Variants in ERVMER34-1 observed in about 807,000 individuals in gnomAD.
ERVMER34-1 encodes the protein endogenous retroviral envelope protein HEMO.
For synonymous variants in ERVMER34-1, 199 were observed against 111.7 expected, an observed-to-expected ratio of 1.78 and a Z score of -4.93; for missense variants, 471 against 295.1, an observed-to-expected ratio of 1.60 and a Z score of -4.37.
rs114652979 is a variant in ERVMER34-1 at position 52,744,925 on chromosome 4, G to A, written c.596C>T (p.Ala199Val). 497 of 704,150 alleles carry A rather than the reference G, an allele frequency of 7.1e-4. No individual in the cohort carries two copies. The African/African-American group carries it at 7.8e-3, about 11-fold the overall frequency. 43.6% of individuals were successfully genotyped at this position (704,150 alleles called of 1,614,324 possible). Residue 199 changes from alanine to valine, a missense_variant, in exon 3 of 3, where the codon GCT becomes GTT. By Grantham distance (64) the Ala-to-Val change is moderately conservative (BLOSUM62 0). Coordinates refer to ENST00000443173, the MANE Select transcript of ERVMER34-1 (RefSeq NM_001242690.2). ...GCTNRTWNSS[A>V]VPLIGLPNTQ... Reference sequence around the variant, plus strand: ...ATTGGGCAGACCAATCAAGGGAACAGCTGAGCTGTTCCAGGTCCGGTTTGT... The same window carrying A: ...ATTGGGCAGACCAATCAAGGGAACAACTGAGCTGTTCCAGGTCCGGTTTGT...
rs1165666453 is a variant in ERVMER34-1 at position 52,745,463 on chromosome 4, T to C, written c.58A>G (p.Ile20Val). Residue 20 changes from isoleucine to valine, a missense_variant, in exon 3 of 3, where the codon ATT becomes GTT. Physicochemically the swap from Ile to Val is conservative, Grantham distance 29. Coordinates refer to ENST00000443173, the MANE Select transcript of ERVMER34-1 (RefSeq NM_001242690.2). Reference protein sequence around the residue: ...LQLTLTAFLTILVQPQHLLAP... With the variant: ...LQLTLTAFLTVLVQPQHLLAP... ...AGCAGGTGCTGAGGTTGTACTAGAA[T>C]TGTCAAAAAAGCAGTAAGGGTTAGT... The C allele has an allele frequency of 2.8e-6, 2 of 704,030 alleles. No individual in the cohort carries two copies. The highest frequency in any genetic ancestry group is 2.0e-5 in the Admixed American group (1 of 50,000). 43.6% of individuals were successfully genotyped at this position (704,030 alleles called of 1,614,324 possible). A position where few individuals can be genotyped will look rare whatever the true frequency, so the allele number is the denominator to read the frequency against.
rs149393396 is a variant in ERVMER34-1 at position 52,745,446 on chromosome 4, C to T, written c.75G>A (p.Gln25=). The T allele has an allele frequency of 1.4e-6, 1 of 704,064 alleles. No homozygotes were observed. Among genetic ancestry groups the T allele is most frequent in the East Asian group, 2.7e-5 (1 of 37,288 alleles). The allele number at this position is 704,064 out of a possible 1,614,324, so 43.6% of individuals were successfully genotyped here. The part of the protein sequence containing the change: ...TAFLTILVQP[Q]HLLAPVFRTL... ...TCCGGAAAACTGGAGCAAGCAGGTG[C>T]TGAGGTTGTACTAGAATTGTCAAAA... The change falls in exon 3 of 3, where the codon CAG becomes CAA. Residue 25 remains glutamine, a synonymous_variant. Transcript: ENST00000443173.
At chr4:52,751,121 T>A (rs2109418259) in intron 1 of ERVMER34-1, 52 bp from the exon 2 acceptor site, 1 of 152,248 alleles carries the variant, frequency 6.6e-6, no homozygotes, top group Admixed American at 6.5e-5. Flanking sequence ...GCCCCGGGAT[T>A]CTCCCAGCGG....
At chr4:52,746,322 A>G (rs955222975) in intron 2 of ERVMER34-1, among the ~76,000 whole-genome samples, 1 of 152,168 alleles carries the variant, frequency 6.6e-6, no homozygotes, top group Non-Finnish European at 1.5e-5. Context: ...ACCGGTCAGT[A>G]TTCCAGATCT....
At position 52,744,269 on chromosome 4, in the gene ERVMER34-1, AG is replaced by A; in HGVS notation, c.1251del (p.Ser418LeufsTer31). On this transcript the variant is annotated frameshift_variant, in exon 3 of 3. Transcript: ENST00000443173. LOFTEE classifies it low-confidence loss of function (END_TRUNC). ...AAGACATGATCCTTTCGGGATGCAG[AG>A]GCTAAACTGCTAACTTTTGATTGGT... ...EAHQSKVSSL[A>X]SASRKDHVLD... The A allele has an allele frequency of 1.4e-6, 1 of 704,186 alleles. No individual in the cohort carries two copies. The highest frequency in any genetic ancestry group is 2.7e-5 in the East Asian group (1 of 37,288). The allele number at this position is 704,186 out of a possible 1,614,324, so 43.6% of individuals were successfully genotyped here. A position where few individuals can be genotyped will look rare whatever the true frequency, so the allele number is the denominator to read the frequency against.
intron 2 of ERVMER34-1, among the ~76,000 whole-genome samples, chr4:52,749,700 G>GA (rs1716238614): frequency 6.6e-6 from 1 of 152,100 alleles, no homozygotes; most frequent in South Asian, 2.1e-4. Context: ...CTACTCGGGG[G>GA]ATCACTTGAA....
Position 52,743,905 on chromosome 4 carries a change from C to A in ERVMER34-1, c.1616G>T (p.Ser539Ile), listed in dbSNP as rs1343792814. The A allele has an allele frequency of 2.8e-6, 4 of 1,436,820 alleles. No homozygotes were observed. In the South Asian group the frequency reaches 3.7e-5, roughly 13 times the overall value. 89.0% of individuals were successfully genotyped at this position (1,436,820 alleles called of 1,614,324 possible). ...SPQQSAQLLV[S>I]ETSCQVSNRA... ...ATTTGAAACTTGACATGAAGTTTCA[C>A]TGACAAGGAGCTGTGCTGATTGCTG... is the stretch of plus-strand genomic sequence containing the variant. Residue 539 changes from serine (S) to isoleucine (I), a missense_variant, in exon 3 of 3, where the codon AGT becomes ATT. Coordinates refer to ENST00000443173, the MANE Select transcript of ERVMER34-1 (RefSeq NM_001242690.2).
Position 52,744,549 on chromosome 4 carries a change from A to ACAAGATATCTTG in ERVMER34-1, c.971_972insCAAGATATCTTG (p.Pro324_Ser325insLysIleSerCys), listed in dbSNP as rs1229648975. The ACAAGATATCTTG allele has an allele frequency of 4.3e-6, 3 of 703,964 alleles. No homozygotes were observed. Among genetic ancestry groups the ACAAGATATCTTG allele is most frequent in the Non-Finnish European group, 7.8e-6 (3 of 385,010 alleles). The allele number at this position is 703,964 out of a possible 1,614,324, so 43.6% of individuals were successfully genotyped here. On this transcript the variant is annotated inframe_insertion, in exon 3 of 3. Coordinates refer to ENST00000443173, the MANE Select transcript of ERVMER34-1 (RefSeq NM_001242690.2). ...TTAAGGTGAGGTATCTGGTGAGGGA[A>ACAAGATATCTTG]GGTACAAGATACCCAAGTCCACATC...
Position 52,743,914 on chromosome 4 carries a change from A to G in ERVMER34-1, c.1607T>C (p.Leu536Pro), listed in dbSNP as rs1273556116. The G allele has an allele frequency of 7.1e-7, 1 of 1,402,864 alleles. No individual in the cohort carries two copies. The highest frequency in any genetic ancestry group is 9.8e-7 in the Non-Finnish European group (1 of 1,024,536). The allele number at this position is 1,402,864 out of a possible 1,614,324, so 86.9% of individuals were successfully genotyped here. A position where few individuals can be genotyped will look rare whatever the true frequency, so the allele number is the denominator to read the frequency against. ...TTGACATGAAGTTTCACTGACAAGGAGCTGTGCTGATTGCTGTGGAGATAA... is the reference window on the plus strand; with the variant it reads ...TTGACATGAAGTTTCACTGACAAGGGGCTGTGCTGATTGCTGTGGAGATAA... ...LALSPQQSAQ[L>P]LVSETSCQVS... Residue 536 changes from leucine (L) to proline (P), a missense_variant, in exon 3 of 3, where the codon CTC becomes CCC. By Grantham distance (98) the Leu-to-Pro change is moderately conservative. Transcript: ENST00000443173.
chr4:52,745,423 C>T lies in ERVMER34-1; in HGVS notation c.98G>A (p.Arg33Gln), dbSNP rs1272001595. 1.3e-5 allele frequency: 9 copies of T among 703,964 alleles called. No homozygotes were observed. Among genetic ancestry groups the T allele is most frequent in the South Asian group, 3.0e-5 (2 of 67,596 alleles). 43.6% of individuals were successfully genotyped at this position (703,964 alleles called of 1,614,324 possible). ...QPQHLLAPVF[R>Q]TLSILTNQSN... ...CTGATTAGTCAAGATAGATAGTGTC[C>T]GGAAAACTGGAGCAAGCAGGTGCTG... The change falls in exon 3 of 3, where the codon CGG (arginine) becomes CAG (glutamine). Residue 33 changes from arginine (R) to glutamine (Q), a missense_variant. Transcript: ENST00000443173.
At chr4:52,749,993 T>C (rs1716245781) in intron 2 of ERVMER34-1, among the ~76,000 whole-genome samples, 1 of 151,946 alleles carries the variant, frequency 6.6e-6, no homozygotes, top group South Asian at 2.1e-4. Flanking sequence ...TGAGACGGAA[T>C]TCTTCTTATT....
At chr4:52,747,129 TGAGG>T (rs1716173579) in intron 2 of ERVMER34-1, among the ~76,000 whole-genome samples, 1 of 152,034 alleles carries the variant, frequency 6.6e-6, no homozygotes, top group Non-Finnish European at 1.5e-5. Flanking sequence ...CTCGGGAGAC[TGAGG>T]GAGGAGAATC....
In ERVMER34-1 at chr4:52,742,947, G is replaced by A. The variant is rs147547043; in HGVS notation, c.*882C>T. 2.6e-5 allele frequency: 4 copies of A among 151,734 alleles called. No individual in the cohort carries two copies. The East Asian group carries it at 5.8e-4, about 22-fold the overall frequency. The allele number at this position is 151,734 out of a possible 1,614,324, so 9.4% of individuals were successfully genotyped here. On this transcript the variant is annotated 3_prime_UTR_variant, in exon 3 of 3. Coordinates refer to ENST00000443173, the MANE Select transcript of ERVMER34-1 (RefSeq NM_001242690.2). The stretch of plus-strand genomic sequence containing the variant: ...AAAAAAAAAAAGAGTAACATACTAG[G>A]TATGCTGTTCTGCATCTTGCTATTT...
intron 2 of ERVMER34-1, among the ~76,000 whole-genome samples, chr4:52,747,000 G>A (rs567925549): frequency 2.0e-5 from 3 of 151,972 alleles, no homozygotes; most frequent in African/African-American, 2.4e-5. Flanking sequence ...AGGCTGAGAC[G>A]GATGGATCAC....
rs1452112693 is a variant in ERVMER34-1 at position 52,744,376 on chromosome 4, T to C, written c.1145A>G (p.Tyr382Cys). 2 of 704,192 alleles carry C rather than the reference T, an allele frequency of 2.8e-6. No individual in the cohort carries two copies. The highest frequency in any genetic ancestry group is 1.5e-5 in the South Asian group (1 of 67,606). The allele number at this position is 704,192 out of a possible 1,614,324, so 43.6% of individuals were successfully genotyped here. A position where few individuals can be genotyped will look rare whatever the true frequency, so the allele number is the denominator to read the frequency against. Residue 382 changes from tyrosine (Y) to cysteine (C), a missense_variant, in exon 3 of 3, where the codon TAT becomes TGT. By Grantham distance (194) the Tyr-to-Cys change is radical. Coordinates refer to ENST00000443173, the MANE Select transcript of ERVMER34-1 (RefSeq NM_001242690.2). The part of the protein sequence containing the change: ...IRALFPSLGT[Y>C]DLEKAILNIS... ...GTTTAGAATTGCCTTTTCTAAATCA[T>C]AAGTTCCCAAACTTGGAAAAAGGGC... is the stretch of plus-strand genomic sequence containing the variant.
Position 52,745,251 on chromosome 4 carries a change from G to A in ERVMER34-1, c.270C>T (p.His90=). The A allele has an allele frequency of 2.8e-6, 2 of 704,048 alleles. No individual in the cohort carries two copies. Among genetic ancestry groups the A allele is most frequent in the Non-Finnish European group, 2.6e-6 (1 of 385,006 alleles). The allele number at this position is 704,048 out of a possible 1,614,324, so 43.6% of individuals were successfully genotyped here. ...VWYPQAEVQN[H]STSSYRKVTW... ...TCACTTTACGATAGGAGGAAGTAGA[G>A]TGATTCTGTACTTCTGCTTGTGGAT... is the stretch of plus-strand genomic sequence containing the variant. The change falls in exon 3 of 3, where the codon CAC becomes CAT. Residue 90 remains histidine, a synonymous_variant. Transcript: ENST00000443173.
At position 52,744,251 on chromosome 4, in the gene ERVMER34-1, G is replaced by A. The variant is rs1346127198; in HGVS notation, c.1270C>T (p.His424Tyr). The A allele has an allele frequency of 2.8e-6, 2 of 703,984 alleles. No homozygotes were observed. Among genetic ancestry groups the A allele is most frequent in the African/African-American group, 3.5e-5 (2 of 57,236 alleles). The allele number at this position is 703,984 out of a possible 1,614,324, so 43.6% of individuals were successfully genotyped here. ...SSLASASRKD[H>Y]VLDIPTTQRQ... ...TGGGTGGTCGGTATATCCAAGACAT[G>A]ATCCTTTCGGGATGCAGAGGCTAAA... Residue 424 changes from histidine to tyrosine, a missense_variant, in exon 3 of 3, where the codon CAT becomes TAT. His to Tyr is a moderately conservative substitution (Grantham distance 83). Transcript: ENST00000443173.
intron 2 of ERVMER34-1, among the ~76,000 whole-genome samples, chr4:52,747,807 G>A (rs1354622265): frequency 6.6e-6 from 1 of 152,242 alleles, no homozygotes. Context: ...GGAAGCCAAG[G>A]CGGGCGGATC....
intron 2 of ERVMER34-1, among the ~76,000 whole-genome samples, chr4:52,750,304 A>T (rs1409795403): frequency 1.3e-5 from 2 of 152,044 alleles, no homozygotes; most frequent in African/African-American, 4.8e-5. Context: ...CTACCCCCCC[A>T]TAGATTCTCG....
Sources: allele counts gnomAD v4.1 joint callset (sites outside exome capture counted in the v4.1 genomes callset), GRCh38; gene constraint gnomAD v4.1.1; transcripts MANE v1.5; gene names NCBI Gene and HGNC (gene_info 2026-07-23, HGNC 2026-07-21).